Variants in CDH8 observed in about 807,000 individuals in gnomAD.
CDH8 encodes cadherin-8.
Under a neutral mutation model 68.1 loss-of-function variants are expected in CDH8, and 17 were observed. That is an observed-to-expected ratio of 0.25 (90% CI 0.17 to 0.37). The LOEUF (loss-of-function observed/expected upper bound fraction) is 0.37, where lower values mean the gene tolerates loss of function less well. Ranked by LOEUF, CDH8 falls within the 10% of genes least tolerant of loss-of-function variation. The pLI, the probability that CDH8 is intolerant of heterozygous loss-of-function variation, is 1.00. For missense variants in CDH8, 763 were observed against 999.3 expected (o/e 0.76, Z 3.19); for synonymous variants, 372 against 365.1 (o/e 1.02, Z -0.21).
chr16:61,832,331 AATAGATAG>A (rs35346881), intron 4 of CDH8, among the ~76,000 whole-genome samples: 5,289 of 143,162 alleles, frequency 0.037, 128 homozygotes, highest in African/African-American at 0.059. Context: ...ACAGATAGAT[AATAGATAG>A]ATAGATAGAT....
Position 61,915,703 on chromosome 16 carries a change from C to T in CDH8, c.253-14230G>A, listed in dbSNP as rs539764117. Among the ~76,000 whole-genome samples, 4 of 152,264 alleles carry T rather than the reference C, an allele frequency of 2.6e-5. No individual in the cohort carries two copies. The East Asian group carries it at 5.8e-4, about 22-fold the overall frequency. ...TCTAAGGTAAGAGTTTTCATCACTGCGGCAGGGAGTGACCTCTGAAAACCA... is the reference window on the plus strand; with the variant it reads ...TCTAAGGTAAGAGTTTTCATCACTGTGGCAGGGAGTGACCTCTGAAAACCA... On this transcript the variant is annotated intron_variant, in intron 2 of 11. Coordinates refer to ENST00000577390, the MANE Select transcript of CDH8 (RefSeq NM_001796.5).
intron 2 of CDH8, among the ~76,000 whole-genome samples, chr16:61,959,633 CAT>C (rs1266154984): frequency 6.6e-6 from 1 of 150,774 alleles, no homozygotes; most frequent in Non-Finnish European, 1.5e-5. Flanking sequence ...TATACACACA[CAT>C]ACACAGAAAG....
intron 2 of CDH8, among the ~76,000 whole-genome samples, chr16:61,995,537 C>G (rs1249004325): frequency 6.6e-6 from 1 of 152,056 alleles, no homozygotes; most frequent in African/African-American, 2.4e-5. Flanking sequence ...GTCACAATGC[C>G]CGGCTAATTT....
chr16:61,834,730 C>T (rs1359627019), intron 4 of CDH8, among the ~76,000 whole-genome samples: 1 of 151,808 alleles, frequency 6.6e-6, no homozygotes, highest in Non-Finnish European at 1.5e-5. Flanking sequence ...TTTGAAGATT[C>T]ATAGTTATTT....
intron 10 of CDH8, among the ~76,000 whole-genome samples, chr16:61,697,320 T>C (rs1320924709): frequency 5.3e-5 from 8 of 152,046 alleles, no homozygotes; most frequent in Admixed American, 5.2e-4. Context: ...CACAGCAGCT[T>C]TGAGAACATG....
rs1445757872 is a variant in CDH8, at chr16:61,652,876, G to T, written c.*732C>A. 1 of 1,525,038 alleles carries T rather than the reference G, an allele frequency of 6.6e-7. No homozygotes were observed. Among genetic ancestry groups the T allele is most frequent in the Admixed American group, 2.0e-5 (1 of 49,630 alleles). The allele number at this position is 1,525,038 out of a possible 1,614,324, so 94.5% of individuals were successfully genotyped here. ...GTGTCCTTGTGGAAGAAGATGAAGA[G>T]GAGGGAACGAGGAATCCTGCTTCTA... On this transcript the variant is annotated 3_prime_UTR_variant, in exon 12 of 12. Coordinates refer to ENST00000577390, the MANE Select transcript of CDH8 (RefSeq NM_001796.5).
chr16:62,033,092 G>T (rs2150624522), intron 1 of CDH8, among the ~76,000 whole-genome samples: 1 of 152,254 alleles, frequency 6.6e-6, no homozygotes, highest in Admixed American at 6.5e-5. Flanking sequence ...TGACTAACAA[G>T]CAGTATCAGA....
intron 4 of CDH8, among the ~76,000 whole-genome samples, chr16:61,854,115 C>A (rs1962997076): frequency 7.5e-6 from 1 of 132,776 alleles, no homozygotes; most frequent in African/African-American, 3.7e-5. Context: ...CACACACATG[C>A]ACACATATAC....
rs1963554052 is a variant in CDH8, at chr16:61,661,383, C to T, written c.1655-5662G>A. On this transcript the variant is annotated intron_variant, in intron 10 of 11. Transcript: ENST00000577390. The stretch of plus-strand genomic sequence containing the variant: ...CTCAATACATGATAGAATGATAGAA[C>T]TAATCCAAAGTAGGTTGTCTGACCA... 2.0e-5 allele frequency among the ~76,000 whole-genome samples: 3 copies of T among 151,820 alleles called. No homozygotes were observed. The South Asian group carries it at 6.2e-4, about 31-fold the overall frequency.
At chr16:61,745,077 G>T (rs1959981684) in intron 8 of CDH8, among the ~76,000 whole-genome samples, 1 of 147,988 alleles carries the variant, frequency 6.8e-6, no homozygotes, top group African/African-American at 2.5e-5. Flanking sequence ...GTGAAAAACT[G>T]CTGCTAATGC....
chr16:61,899,004 G>A (rs1963918937), intron 3 of CDH8, among the ~76,000 whole-genome samples: 1 of 151,872 alleles, frequency 6.6e-6, no homozygotes. Flanking sequence ...TATACTTTAA[G>A]TTCTGGGATA....
intron 8 of CDH8, among the ~76,000 whole-genome samples, chr16:61,780,354 C>T (rs570581791): frequency 1.3e-5 from 2 of 152,316 alleles, no homozygotes; most frequent in South Asian, 2.1e-4. Flanking sequence ...ATGTTAGATC[C>T]ACTACCACTG....
At chr16:62,027,422 C>T (rs112071099) in intron 1 of CDH8, among the ~76,000 whole-genome samples, 16 of 152,288 alleles carry the variant, frequency 1.1e-4, no homozygotes, top group Non-Finnish European at 2.1e-4. Flanking sequence ...TGATAGGTGA[C>T]GTCTAAAACA....
Position 61,648,764 on chromosome 16 carries a change from A to G in CDH8, c.*4844T>C, listed in dbSNP as rs1191967292. On this transcript the variant is annotated 3_prime_UTR_variant, in exon 12 of 12. Coordinates refer to ENST00000577390, the MANE Select transcript of CDH8 (RefSeq NM_001796.5). Reference sequence around the variant, plus strand: ...CTGATAGATACTCAATAAATGTGACAGACAAAATTCTTTTTCCTCAGATAG... The same window carrying G: ...CTGATAGATACTCAATAAATGTGACGGACAAAATTCTTTTTCCTCAGATAG... The G allele has an allele frequency of 2.8e-4, 42 of 151,998 alleles. No individual in the cohort carries two copies. The highest frequency in any genetic ancestry group is 2.8e-3 in the Admixed American group (42 of 15,204). 9.4% of individuals were successfully genotyped at this position (151,998 alleles called of 1,614,324 possible). A position where few individuals can be genotyped will look rare whatever the true frequency, so the allele number is the denominator to read the frequency against.
At chr16:61,719,128 A>AT (rs34234878) in intron 9 of CDH8, among the ~76,000 whole-genome samples, 32,094 of 139,396 alleles carry the variant, frequency 0.23, 3,824 homozygotes, top group South Asian at 0.28. Context: ...TGAGCTCACC[A>AT]TTTTTTTTTT....
At chr16:61,895,508 TTGGTCATCATTAC>T (rs962079239) in intron 3 of CDH8, among the ~76,000 whole-genome samples, 26 of 152,266 alleles carry the variant, frequency 1.7e-4, no homozygotes, top group African/African-American at 6.3e-4. Context: ...TCAATACGTA[TTGGTCATCATTAC>T]AGTAGCCCTG....
intron 2 of CDH8, among the ~76,000 whole-genome samples, chr16:61,964,108 A>T (rs1965205277): frequency 1.3e-5 from 2 of 152,242 alleles, no homozygotes; most frequent in African/African-American, 4.8e-5. Context: ...GCCAATAGAT[A>T]TCAACAAGAC....
intron 8 of CDH8, among the ~76,000 whole-genome samples, chr16:61,766,495 G>A (rs1567460225): frequency 6.6e-6 from 1 of 151,666 alleles, no homozygotes; most frequent in Non-Finnish European, 1.5e-5. Flanking sequence ...TTTTCCCTTG[G>A]GTAGATACCC....
chr16:61,782,582 C>T (rs1387560340), intron 8 of CDH8, among the ~76,000 whole-genome samples: 11 of 151,776 alleles, frequency 7.2e-5, no homozygotes, highest in Non-Finnish European at 1.3e-4. Flanking sequence ...TGGGTGGAGC[C>T]CACCACAGCT....
Sources: allele counts gnomAD v4.1 joint callset (sites outside exome capture counted in the v4.1 genomes callset), GRCh38; gene constraint gnomAD v4.1.1; transcripts MANE v1.5; gene names NCBI Gene and HGNC (gene_info 2026-07-23, HGNC 2026-07-21).